DAB1: variants seen among roughly 807,000 people sequenced by gnomAD.
DAB1 encodes disabled homolog 1.
A neutral mutation model predicts 64.6 loss-of-function variants in DAB1; 15 were observed. That is an observed-to-expected ratio of 0.23 (90% CI 0.16 to 0.36). The LOEUF (loss-of-function observed/expected upper bound fraction) is 0.36. Ranked by LOEUF, DAB1 falls within the 10% of genes least tolerant of loss-of-function variation. DAB1 has a pLI of 1.00. For synonymous variants in DAB1, 235 were observed against 251.9 expected (o/e 0.93, Z 0.64); for missense variants, 596 against 706.7 (o/e 0.84, Z 1.78).
At chr1:58,197,131 C>G (rs1657719094) in intron 4 of DAB1, among the ~76,000 whole-genome samples, 1 of 152,114 alleles carries the variant, frequency 6.6e-6, no homozygotes, top group South Asian at 2.1e-4. Context: ...GAACCTGGGT[C>G]CCTGAATTAT....
At chr1:57,788,365 C>A (rs1311800860) in intron 6 of DAB1, among the ~76,000 whole-genome samples, 5 of 152,178 alleles carry the variant, frequency 3.3e-5, no homozygotes, top group African/African-American at 1.2e-4. Flanking sequence ...ATGAGTGATA[C>A]TTGCAGCAAC....
intron 5 of DAB1, among the ~76,000 whole-genome samples, chr1:57,889,886 G>A (rs1302654795): frequency 9.5e-6 from 1 of 104,882 alleles, no homozygotes; most frequent in African/African-American, 3.9e-5. Context: ...GCAGATGGTA[G>A]CACAAACTGG....
At chr1:58,051,030 A>G (rs1372278057) in intron 5 of DAB1, among the ~76,000 whole-genome samples, 3 of 152,136 alleles carry the variant, frequency 2.0e-5, no homozygotes, top group African/African-American at 4.8e-5. Flanking sequence ...GAGTCTGGGT[A>G]ATTTATAAAG....
chr1:57,715,813 C>T (rs1477256486), intron 6 of DAB1, among the ~76,000 whole-genome samples: 2 of 152,126 alleles, frequency 1.3e-5, no homozygotes, highest in East Asian at 1.9e-4. Context: ...AGATAGGCCA[C>T]GTTCATGAAT....
At chr1:57,535,006 C>T (rs1049846673) in intron 7 of DAB1, among the ~76,000 whole-genome samples, 3 of 152,160 alleles carry the variant, frequency 2.0e-5, no homozygotes, top group African/African-American at 7.2e-5. Flanking sequence ...GCCTGAAATG[C>T]TCATCCCCAA....
intron 1 of DAB1, among the ~76,000 whole-genome samples, chr1:57,364,364 C>A (rs1427101370): frequency 6.6e-6 from 1 of 152,118 alleles, no homozygotes; most frequent in Admixed American, 6.6e-5. Context: ...CACTGTCAGA[C>A]ATGTGGTCTA....
chr1:58,396,702 G>C (rs1644525649), intron 3 of DAB1, among the ~76,000 whole-genome samples: 1 of 152,084 alleles, frequency 6.6e-6, no homozygotes, highest in African/African-American at 2.4e-5. Flanking sequence ...GGGAAAGAGG[G>C]AGCAACAGAA....
At chr1:57,968,172 G>A (rs750853156) in intron 5 of DAB1, among the ~76,000 whole-genome samples, 2 of 152,090 alleles carry the variant, frequency 1.3e-5, no homozygotes, top group Non-Finnish European at 2.9e-5. Flanking sequence ...GTGGGTTCAT[G>A]GAAATGACTC....
intron 5 of DAB1, among the ~76,000 whole-genome samples, chr1:57,961,141 G>A (rs1307408266): frequency 2.6e-5 from 4 of 152,172 alleles, no homozygotes; most frequent in Admixed American, 6.5e-5. Flanking sequence ...TGGTATTTAG[G>A]AGTTCAATAA....
chr1:57,011,292 A>G lies in DAB1; in HGVS notation c.1445-20T>C. 2 of 1,609,888 alleles carry G rather than the reference A, an allele frequency of 1.2e-6. No individual in the cohort carries two copies. Among genetic ancestry groups the G allele is most frequent in the Non-Finnish European group, 1.7e-6 (2 of 1,178,634 alleles). On this transcript the variant is annotated intron_variant, in intron 12 of 14. Transcript: ENST00000371236. The stretch of plus-strand genomic sequence containing the variant: ...TTGGAGCTACACAGAGACCACAGAA[A>G]AAGAGACATCTTAAGTGCCTGGCTG...
At chr1:58,120,128 G>C (rs2100670684) in intron 5 of DAB1, among the ~76,000 whole-genome samples, 1 of 152,294 alleles carries the variant, frequency 6.6e-6, no homozygotes, top group South Asian at 2.1e-4. Flanking sequence ...GTAATGTAGT[G>C]AGGTGGAATC....
intron 5 of DAB1, among the ~76,000 whole-genome samples, chr1:57,936,494 C>A (rs1160332459): frequency 6.6e-6 from 1 of 152,162 alleles, no homozygotes; most frequent in Non-Finnish European, 1.5e-5. Context: ...TGGGTTCAAG[C>A]AATTCTCCTG....
chr1:57,562,966 A>T (rs1052813183), intron 7 of DAB1, among the ~76,000 whole-genome samples: 2 of 152,128 alleles, frequency 1.3e-5, no homozygotes, highest in African/African-American at 2.4e-5. Context: ...TATATATATA[A>T]ATAGGAGGCC....
intron 6 of DAB1, among the ~76,000 whole-genome samples, chr1:57,687,293 G>A (rs951870872): frequency 2.0e-5 from 3 of 151,962 alleles, no homozygotes; most frequent in Non-Finnish European, 4.4e-5. Context: ...ATTTACAATA[G>A]CCATAAAAAG....
chr1:57,711,755 A>G (rs1242544161), intron 6 of DAB1, among the ~76,000 whole-genome samples: 1 of 152,222 alleles, frequency 6.6e-6, no homozygotes, highest in Non-Finnish European at 1.5e-5. Context: ...TTCCCATATC[A>G]GGAGATGGCA....
intron 3 of DAB1, among the ~76,000 whole-genome samples, chr1:58,436,549 T>A (rs1644946751): frequency 6.6e-6 from 1 of 152,192 alleles, no homozygotes; most frequent in South Asian, 2.1e-4. Context: ...TGAAGTTGGC[T>A]CCTTCTTAAT....
At chr1:57,180,600 T>C (rs184938490) in intron 2 of DAB1, among the ~76,000 whole-genome samples, 6 of 152,260 alleles carry the variant, frequency 3.9e-5, no homozygotes, top group East Asian at 1.9e-4. Flanking sequence ...GCTTTGTTCC[T>C]AGATAACAAT....
intron 7 of DAB1, among the ~76,000 whole-genome samples, chr1:57,436,619 A>C (rs1194436363): frequency 3.9e-5 from 6 of 152,208 alleles, no homozygotes; most frequent in Non-Finnish European, 1.5e-5. Context: ...ATGAATGTCT[A>C]ACAAGTACCC....
At chr1:57,122,273 G>T (rs1656734795) in intron 4 of DAB1, among the ~76,000 whole-genome samples, 1 of 152,158 alleles carries the variant, frequency 6.6e-6, no homozygotes, top group Non-Finnish European at 1.5e-5. Flanking sequence ...TCATATCCCA[G>T]TGCCTGGTAC....
Sources: allele counts gnomAD v4.1 joint callset (sites outside exome capture counted in the v4.1 genomes callset), GRCh38; gene constraint gnomAD v4.1.1; transcripts MANE v1.5; gene names NCBI Gene and HGNC (gene_info 2026-07-23, HGNC 2026-07-21).